The following TOX variants were observed in gnomAD, a reference collection of about 807,000 sequenced individuals.
TOX encodes thymocyte selection associated high mobility group box.
In TOX, 11 loss-of-function variants were observed where a neutral mutation model predicts 53.7. The observed-to-expected ratio is 0.20, with a 90% CI of 0.13 to 0.34. The LOEUF (loss-of-function observed/expected upper bound fraction) is 0.34. TOX is among the 10% of genes least tolerant of loss of function. TOX has a pLI of 1.00. For missense variants in TOX, 570 were observed against 664.6 expected, an observed-to-expected ratio of 0.86 and a Z score of 1.56; for synonymous variants, 225 against 245.3, an observed-to-expected ratio of 0.92 and a Z score of 0.77.
At chr8:59,115,077 T>C (rs568788801) in intron 1 of TOX, among the ~76,000 whole-genome samples, 1 of 152,158 alleles carries the variant, frequency 6.6e-6, no homozygotes, top group Non-Finnish European at 1.5e-5. Flanking sequence ...ACTCTGTATA[T>C]CACCAGCATG....
intron 3 of TOX, among the ~76,000 whole-genome samples, chr8:58,931,338 A>T (rs1812250249): frequency 6.6e-6 from 1 of 152,178 alleles, no homozygotes; most frequent in South Asian, 2.1e-4. Context: ...GTCAAAAAAA[A>T]AAAGAGCTAA....
rs117745762 is a variant in TOX at position 58,913,801 on chromosome 8, G to A, written c.411+25501C>T. On this transcript the variant is annotated intron_variant, in intron 3 of 8. Transcript: ENST00000361421. Reference sequence around the variant, plus strand: ...AAAAGTCTAAAAAATATTTATTGCCGGATTTTTAGATGCTTGAAAAAAAGA... The same window carrying A: ...AAAAGTCTAAAAAATATTTATTGCCAGATTTTTAGATGCTTGAAAAAAAGA... 4.1e-3 allele frequency among the ~76,000 whole-genome samples: 467 copies of A among 113,530 alleles called. 1 individual carries two copies. The highest frequency in any genetic ancestry group is 0.025 in the Middle Eastern group (6 of 244). The allele number at this position is 113,530 out of a possible 152,430, so 74.5% of individuals were successfully genotyped here. A position where few individuals can be genotyped will look rare whatever the true frequency, so the allele number is the denominator to read the frequency against.
At chr8:58,949,617 T>A (rs58180923) in intron 2 of TOX, among the ~76,000 whole-genome samples, 11 of 151,910 alleles carry the variant, frequency 7.2e-5, no homozygotes, top group Non-Finnish European at 1.0e-4. Context: ...ATTAAATAGA[T>A]ATTTTTTACT....
chr8:58,962,881 C>A (rs1003915809), intron 1 of TOX, among the ~76,000 whole-genome samples: 8 of 152,276 alleles, frequency 5.3e-5, no homozygotes, highest in African/African-American at 1.4e-4. Context: ...CTTGACTAGG[C>A]CATGGGCTGC....
rs1237627375 is a variant in TOX, at chr8:59,118,949, G to C, written c.39C>G (p.Ala13=). The stretch of plus-strand genomic sequence containing the variant: ...CCAGACAGGGAGCGTCGGGCGCAGC[G>C]GCGGGCTGGGCTGGAGGTGGATAAA... ...VRFYPPPAQP[A]AAPDAPCLGP... The change falls in exon 1 of 9, where the codon GCC becomes GCG. Residue 13 remains alanine, a synonymous_variant. Coordinates refer to ENST00000361421, the MANE Select transcript of TOX (RefSeq NM_014729.3). The surrounding 1 kb of genome is among the most constrained non-coding windows in gnomAD (Gnocchi z 4.1). 3 of 1,602,790 alleles carry C rather than the reference G, an allele frequency of 1.9e-6. No individual in the cohort carries two copies. The highest frequency in any genetic ancestry group is 1.7e-6 in the Non-Finnish European group (2 of 1,174,228).
In TOX at chr8:59,010,616, T is replaced by C. The variant is rs184242174; in HGVS notation, c.103-50608A>G. Reference sequence around the variant, plus strand: ...ATGAGATTATAAAAGCCATTTAACCTTCTGGGTCTCAGTCTTTACATCCCT... The same window carrying C: ...ATGAGATTATAAAAGCCATTTAACCCTCTGGGTCTCAGTCTTTACATCCCT... On this transcript the variant is annotated intron_variant, in intron 1 of 8. Coordinates refer to ENST00000361421, the MANE Select transcript of TOX (RefSeq NM_014729.3). 5.3e-5 allele frequency among the ~76,000 whole-genome samples: 8 copies of C among 152,338 alleles called. No individual in the cohort carries two copies. The East Asian group carries it at 1.5e-3, about 29-fold the overall frequency.
At chr8:58,920,737 G>GAA (rs1397497086) in intron 3 of TOX, among the ~76,000 whole-genome samples, 1 of 47,734 alleles carries the variant, frequency 2.1e-5, no homozygotes, top group Admixed American at 2.6e-4. Flanking sequence ...AAAAAAAAAA[G>GAA]AAAAAAAAGA....
intron 3 of TOX, among the ~76,000 whole-genome samples, chr8:58,932,795 T>G (rs542903956): frequency 1.3e-5 from 2 of 152,164 alleles, no homozygotes; most frequent in Non-Finnish European, 2.9e-5. Context: ...TCATGAGTCC[T>G]GTATAGCACC....
At chr8:58,874,654 T>C (rs986267547) in intron 3 of TOX, among the ~76,000 whole-genome samples, 2 of 152,160 alleles carry the variant, frequency 1.3e-5, no homozygotes, top group African/African-American at 4.8e-5. Flanking sequence ...TATGAGGTCA[T>C]GAAAAACTTT....
At chr8:59,024,065 T>G (rs773716149) in intron 1 of TOX, among the ~76,000 whole-genome samples, 1 of 152,168 alleles carries the variant, frequency 6.6e-6, no homozygotes, top group East Asian at 1.9e-4. Flanking sequence ...AGCTGTATAT[T>G]AATAGAACAT....
intron 3 of TOX, among the ~76,000 whole-genome samples, chr8:58,857,832 C>T (rs559040955): frequency 7.9e-5 from 12 of 152,018 alleles, no homozygotes; most frequent in Non-Finnish European, 1.3e-4. Flanking sequence ...TGCATTTGCA[C>T]GACATTGGCT....
At chr8:58,964,864 G>GGTGTGT (rs34469462) in intron 1 of TOX, among the ~76,000 whole-genome samples, 120 of 148,238 alleles carry the variant, frequency 8.1e-4, no homozygotes, top group East Asian at 6.8e-3. Flanking sequence ...ATTTGTAGCT[G>GGTGTGT]GTGTGTGTGT....
chr8:59,106,858 C>T (rs1804914623), intron 1 of TOX, among the ~76,000 whole-genome samples: 2 of 151,988 alleles, frequency 1.3e-5, no homozygotes, highest in South Asian at 4.1e-4. Flanking sequence ...AATCATTATG[C>T]CCTGAATTTT....
At chr8:58,941,580 C>G (rs904402970) in intron 2 of TOX, among the ~76,000 whole-genome samples, 6 of 152,100 alleles carry the variant, frequency 3.9e-5, no homozygotes, top group Non-Finnish European at 5.9e-5. Context: ...TTCCAATAAA[C>G]AAAATTTCAT....
chr8:58,900,409 A>T (rs1212182516), intron 3 of TOX, among the ~76,000 whole-genome samples: 1 of 152,172 alleles, frequency 6.6e-6, no homozygotes, highest in Non-Finnish European at 1.5e-5. Context: ...CATTCTAGAC[A>T]TCTATATAAT....
rs1338717698 is a variant in TOX at position 59,021,493 on chromosome 8, T to C, written c.103-61485A>G. Reference sequence around the variant, plus strand: ...AAAAAAAAAAAAAAATATATATATATATATATGCACATATATACAATGTCA... The same window carrying C: ...AAAAAAAAAAAAAAATATATATATACATATATGCACATATATACAATGTCA... On this transcript the variant is annotated intron_variant, in intron 1 of 8. Coordinates refer to ENST00000361421, the MANE Select transcript of TOX (RefSeq NM_014729.3). 5.8e-4 allele frequency among the ~76,000 whole-genome samples: 75 copies of C among 129,244 alleles called. 1 individual carries two copies. The highest frequency in any genetic ancestry group is 1.1e-3 in the Non-Finnish European group (63 of 59,370). The allele number at this position is 129,244 out of a possible 152,430, so 84.8% of individuals were successfully genotyped here.
intron 1 of TOX, among the ~76,000 whole-genome samples, chr8:59,009,493 C>T (rs942780936): frequency 2.0e-5 from 3 of 152,144 alleles, no homozygotes; most frequent in Non-Finnish European, 2.9e-5. Context: ...CTGCCTCAGC[C>T]TCCTGAGTAG....
rs943139596 is a variant in TOX at position 59,095,244 on chromosome 8, T to C, written c.102+23642A>G. 5.8e-5 allele frequency among the ~76,000 whole-genome samples: 8 copies of C among 138,246 alleles called. No homozygotes were observed. The South Asian group carries it at 1.7e-3, about 30-fold the overall frequency. 90.7% of individuals were successfully genotyped at this position (138,246 alleles called of 152,430 possible). ...GGTAATATTCGCTCTAAAAGAGTTG[T>C]TTTTTTTTTCCATAGGAATTTCAGA... On this transcript the variant is annotated intron_variant, in intron 1 of 8. Coordinates refer to ENST00000361421, the MANE Select transcript of TOX (RefSeq NM_014729.3).
rs1049820962 is a variant in TOX at position 58,807,923 on chromosome 8, G to T, written c.1545-140C>A. The T allele has an allele frequency of 9.6e-6, 12 of 1,256,538 alleles. No homozygotes were observed. In the Admixed American group the frequency reaches 2.5e-4, roughly 26 times the overall value. The allele number at this position is 1,256,538 out of a possible 1,614,324, so 77.8% of individuals were successfully genotyped here. On this transcript the variant is annotated intron_variant, in intron 8 of 8. Transcript: ENST00000361421. ...AACTGCAATTAGTTAACCTACATCT[G>T]AAGTGAGAAGTGAGCTAAAGGCATT...
Sources: allele counts gnomAD v4.1 joint callset (sites outside exome capture counted in the v4.1 genomes callset), GRCh38; gene constraint gnomAD v4.1.1; non-coding constraint Gnocchi (gnomAD v3.1); transcripts MANE v1.5; gene names NCBI Gene and HGNC (gene_info 2026-07-23, HGNC 2026-07-21).